Variants in PALM2AKAP2 observed in about 807,000 individuals in gnomAD.
PALM2AKAP2 encodes the protein PALM2-AKAP2 fusion protein.
Under a neutral mutation model 71.5 loss-of-function variants are expected in PALM2AKAP2, and 37 were observed. The ratio of observed to expected loss-of-function variants is 0.52; its 90% CI spans 0.40 to 0.68. The LOEUF is 0.68. Among genes scored for constraint, PALM2AKAP2 ranks in the 30% least tolerant of loss-of-function variants. PALM2AKAP2 has a pLI of 0.00. For synonymous variants in PALM2AKAP2, 468 were observed against 478.8 expected, an observed-to-expected ratio of 0.98 and a Z score of 0.29; for missense variants, 1,224 against 1,191.8, an observed-to-expected ratio of 1.03 and a Z score of -0.40.
At chr9:110,141,964 C>G (rs1214266205) in intron 2 of PALM2AKAP2, among the ~76,000 whole-genome samples, 1 of 150,758 alleles carries the variant, frequency 6.6e-6, no homozygotes, top group African/African-American at 2.4e-5. Flanking sequence ...AGTGCTTTTG[C>G]TTTTAAAAGA....
chr9:109,823,845 A>G (rs895758954), intron 1 of PALM2AKAP2, among the ~76,000 whole-genome samples: 3 of 152,214 alleles, frequency 2.0e-5, no homozygotes, highest in African/African-American at 2.4e-5. Context: ...AACAAACAGA[A>G]AGAAGTATTT....
chr9:110,022,748 T>C (rs969482112), intron 7 of PALM2AKAP2, among the ~76,000 whole-genome samples: 23 of 151,220 alleles, frequency 1.5e-4, no homozygotes, highest in African/African-American at 5.6e-4. Flanking sequence ...CCCACAACAG[T>C]CCCCGGAGTG....
At chr9:110,140,974 G>A (rs1418370749) in intron 2 of PALM2AKAP2, among the ~76,000 whole-genome samples, 3 of 152,162 alleles carry the variant, frequency 2.0e-5, no homozygotes, top group Non-Finnish European at 4.4e-5. Context: ...TAATGGGGGG[G>A]CGGGCACAAA....
chr9:109,791,403 C>T (rs1353982154), intron 1 of PALM2AKAP2, among the ~76,000 whole-genome samples: 2 of 152,224 alleles, frequency 1.3e-5, no homozygotes, highest in African/African-American at 4.8e-5. Flanking sequence ...TATCTCTCAT[C>T]CCCTCTCAGC....
intron 1 of PALM2AKAP2, among the ~76,000 whole-genome samples, chr9:110,076,277 C>G (rs1219944326): frequency 6.6e-6 from 1 of 151,778 alleles, no homozygotes; most frequent in Non-Finnish European, 1.5e-5. Flanking sequence ...AAATATTCCA[C>G]CGAATTTTAC....
intron 1 of PALM2AKAP2, among the ~76,000 whole-genome samples, chr9:110,132,732 A>G (rs1270723583): frequency 6.6e-6 from 1 of 151,774 alleles, no homozygotes; most frequent in African/African-American, 2.4e-5. Context: ...TCTCATGCCA[A>G]GTAGCTGGGA....
chr9:109,867,902 A>T (rs116657324), intron 2 of PALM2AKAP2, among the ~76,000 whole-genome samples: 2,026 of 152,238 alleles, frequency 0.013, 44 homozygotes, highest in African/African-American at 0.047. Flanking sequence ...TGTTTCTCCC[A>T]TGCATAGGTG....
exon 4 of PALM2AKAP2, chr9:110,171,043 T>C (rs1439669391): frequency 6.6e-6 from 1 of 152,250 alleles, no homozygotes; most frequent in Non-Finnish European, 1.5e-5. Context: ...AGACATGATA[T>C]AGACTAACTT....
rs1468575004 is a variant in PALM2AKAP2, at chr9:109,726,599, TC to T, written c.6-53887del. 3.9e-5 allele frequency among the ~76,000 whole-genome samples: 6 copies of T among 152,346 alleles called. No individual in the cohort carries two copies. In the South Asian group the frequency reaches 6.2e-4, roughly 16 times the overall value. ...GCTTTCCATTGTTTTCAACTAAGAA[TC>T]CTCACTAATACATAGTTATTTTTGG... On this transcript the variant is annotated intron_variant, in intron 1 of 6. Coordinates refer to the PALM2AKAP2 transcript ENST00000374531.
chr9:110,021,951 A>C (rs999702941), intron 7 of PALM2AKAP2, among the ~76,000 whole-genome samples: 1 of 152,188 alleles, frequency 6.6e-6, no homozygotes, highest in Non-Finnish European at 1.5e-5. Context: ...GTCTTAGCAC[A>C]CCACTAATGC....
At chr9:110,075,960 A>G (rs1445428722) in intron 1 of PALM2AKAP2, among the ~76,000 whole-genome samples, 1 of 152,076 alleles carries the variant, frequency 6.6e-6, no homozygotes, top group African/African-American at 2.4e-5. Flanking sequence ...ATTACTTTAT[A>G]TAGTCTCAAA....
rs1348729308 is a variant in PALM2AKAP2 at position 110,048,847 on chromosome 9, C to T, written c.148C>T (p.Arg50Cys). The T allele has an allele frequency of 3.3e-6, 5 of 1,511,880 alleles. No individual in the cohort carries two copies. In the African/African-American group the frequency reaches 5.8e-5, roughly 18 times the overall value. 93.7% of individuals were successfully genotyped at this position (1,511,880 alleles called of 1,614,324 possible). A position where few individuals can be genotyped will look rare whatever the true frequency, so the allele number is the denominator to read the frequency against. The change falls in exon 1 of 4, where the codon CGC becomes TGC. Residue 50 changes from arginine to cysteine, a missense_variant. By Grantham distance (180) the Arg-to-Cys change is radical (BLOSUM62 -3). Coordinates refer to ENST00000374525, the Ensembl canonical transcript of PALM2AKAP2. ...CCAGGACTGCGCCCCCGGGAGCGGG[C>T]GCCCAGAGGTGGGTGTCCAAGCTGG...
chr9:110,022,887 G>A (rs1833099383), intron 7 of PALM2AKAP2, among the ~76,000 whole-genome samples: 1 of 152,110 alleles, frequency 6.6e-6, no homozygotes, highest in African/African-American at 2.4e-5. Context: ...TTTCATCCAT[G>A]TCCCTACAAA....
chr9:109,710,073 C>T (rs566376507), intron 1 of PALM2AKAP2, among the ~76,000 whole-genome samples: 2 of 152,256 alleles, frequency 1.3e-5, no homozygotes, highest in Middle Eastern at 3.4e-3. Flanking sequence ...GGCGTAACTA[C>T]AAGCCAAGGA....
intron 1 of PALM2AKAP2, among the ~76,000 whole-genome samples, chr9:109,665,643 G>T (rs551496877): frequency 6.6e-6 from 1 of 152,184 alleles, no homozygotes; most frequent in Non-Finnish European, 1.5e-5. Context: ...GCTACGTGGC[G>T]GTCAGGGACC....
At chr9:109,862,111 T>C (rs1204092370) in intron 1 of PALM2AKAP2, among the ~76,000 whole-genome samples, 1 of 152,184 alleles carries the variant, frequency 6.6e-6, no homozygotes, top group African/African-American at 2.4e-5. Context: ...GCTACAGTGC[T>C]TGAGGTCTAA....
intron 1 of PALM2AKAP2, among the ~76,000 whole-genome samples, chr9:110,135,369 G>T (rs987769453): frequency 3.0e-5 from 1 of 33,746 alleles, no homozygotes. Context: ...AAAAAAAAAA[G>T]AAAAATATGA....
At chr9:109,652,007 C>T (rs1827232414) in intron 1 of PALM2AKAP2, among the ~76,000 whole-genome samples, 1 of 152,080 alleles carries the variant, frequency 6.6e-6, no homozygotes, top group Non-Finnish European at 1.5e-5. Flanking sequence ...ATTAATAGTA[C>T]ATAAATGGAT....
At chr9:109,818,368 G>T (rs1344639194) in intron 1 of PALM2AKAP2, among the ~76,000 whole-genome samples, 1 of 152,146 alleles carries the variant, frequency 6.6e-6, no homozygotes, top group East Asian at 1.9e-4. Context: ...GGTTATTTTT[G>T]AGTGGAAGAA....
Sources: gnomAD v4.1 joint callset for allele counts (sites outside exome capture counted in the v4.1 genomes callset) on GRCh38, gnomAD v4.1.1 for gene constraint, MANE v1.5 for transcripts, NCBI Gene and HGNC (gene_info 2026-07-23, HGNC 2026-07-21) for gene names.